The following PDE2A variants were observed in gnomAD, a reference collection of about 807,000 sequenced individuals.
PDE2A encodes phosphodiesterase 2A.
A neutral mutation model predicts 133.6 loss-of-function variants in PDE2A; 53 were observed. The observed-to-expected ratio is 0.40, with a 90% CI of 0.32 to 0.50. The LOEUF (loss-of-function observed/expected upper bound fraction) is 0.50. Ranked by LOEUF, PDE2A falls within the 20% of genes least tolerant of loss-of-function variation. The probability of loss-of-function intolerance (pLI) is 0.73; values close to 1 mark genes in which losing one functional copy is unlikely to be tolerated. For synonymous variants in PDE2A, 491 were observed against 490.2 expected (o/e 1.00, Z -0.02); for missense variants, 796 against 1,232.4 (o/e 0.65, Z 5.30).
Position 72,597,032 on chromosome 11 carries a change from A to G in PDE2A, c.434-384T>C, listed in dbSNP as rs1376280702. 6.6e-6 allele frequency among the ~76,000 whole-genome samples: 1 copy of G among 152,144 alleles called. No individual in the cohort carries two copies. The highest frequency in any genetic ancestry group is 1.9e-4 in the East Asian group (1 of 5,186). ...ACTCCCAGTCTTGTGCACTTTCCAC[A>G]TCGAGACAGAGGACAGAGACCTAGA... On this transcript the variant is annotated intron_variant, in intron 5 of 30. Coordinates refer to ENST00000334456, the MANE Select transcript of PDE2A (RefSeq NM_002599.5). This position sits in a 1 kb window ranked among gnomAD's most constrained non-coding sequence, Gnocchi z 4.6.
chr11:72,632,810 T>TC (rs1053490494), intron 2 of PDE2A, among the ~76,000 whole-genome samples: 2 of 73,266 alleles, frequency 2.7e-5, no homozygotes, highest in Non-Finnish European at 5.9e-5. Flanking sequence ...ACAGGTTCCC[T>TC]CCCCCCAGCA....
intron 13 of PDE2A, among the ~76,000 whole-genome samples, chr11:72,586,992 C>T (rs1415145673): frequency 2.0e-5 from 3 of 152,224 alleles, no homozygotes; most frequent in Non-Finnish European, 4.4e-5. Context: ...TAGCCCCACC[C>T]ACCTGTCACC....
chr11:72,590,073 G>T lies in PDE2A; in HGVS notation c.757-92C>A. ...CCCCTCTCCGGGGCTCTTCAGGCGGGTGGAGGAGAGAGGAAGGAAGGACAT... is the reference window on the plus strand; with the variant it reads ...CCCCTCTCCGGGGCTCTTCAGGCGGTTGGAGGAGAGAGGAAGGAAGGACAT... On this transcript the variant is annotated intron_variant, in intron 9 of 30. Coordinates refer to ENST00000334456, the MANE Select transcript of PDE2A (RefSeq NM_002599.5). This position sits in a 1 kb window ranked among gnomAD's most constrained non-coding sequence, Gnocchi z 4.8. 1 of 1,411,090 alleles carries T rather than the reference G, an allele frequency of 7.1e-7. No individual in the cohort carries two copies. Among genetic ancestry groups the T allele is most frequent in the Non-Finnish European group, 9.8e-7 (1 of 1,024,604 alleles). The allele number at this position is 1,411,090 out of a possible 1,614,324, so 87.4% of individuals were successfully genotyped here.
At chr11:72,626,019 C>A (rs1486805064) in intron 2 of PDE2A, among the ~76,000 whole-genome samples, 1 of 152,256 alleles carries the variant, frequency 6.6e-6, no homozygotes, top group Admixed American at 6.5e-5. Flanking sequence ...CTGCCTTGGA[C>A]CTGCCTGCGC....
chr11:72,652,448 T>C (rs1854766175), intron 1 of PDE2A: 4 of 452,440 alleles, frequency 8.8e-6, no homozygotes, highest in Non-Finnish European at 1.8e-5. Flanking sequence ...TTTCCAGATA[T>C]GGCCCCTGGT....
intron 1 of PDE2A, among the ~76,000 whole-genome samples, chr11:72,670,913 G>A (rs1361344493): frequency 6.8e-6 from 1 of 146,704 alleles, no homozygotes; most frequent in African/African-American, 2.4e-5. Flanking sequence ...AGGCTGGATA[G>A]ATCTGCAGGG....
chr11:72,636,847 T>A (rs1330006619), intron 2 of PDE2A, among the ~76,000 whole-genome samples: 5 of 152,178 alleles, frequency 3.3e-5, no homozygotes, highest in Non-Finnish European at 7.4e-5. Context: ...AACATGCAGA[T>A]CTGATCTGTC....
rs966405375 is a variant in PDE2A at position 72,661,789 on chromosome 11, C to A, written c.71+12348G>T. On this transcript the variant is annotated intron_variant, in intron 1 of 30. Transcript: ENST00000334456. ...TACTTCAAGTGCAAGTGCTTCCCTGCGATGCGCCACACATGTGCTGAATCG... is the reference window on the plus strand; with the variant it reads ...TACTTCAAGTGCAAGTGCTTCCCTGAGATGCGCCACACATGTGCTGAATCG... 1.1e-4 allele frequency among the ~76,000 whole-genome samples: 17 copies of A among 152,298 alleles called. No homozygotes were observed. The Middle Eastern group carries it at 0.01, about 91-fold the overall frequency.
At chr11:72,609,148 T>C (rs1857097350) in intron 2 of PDE2A, among the ~76,000 whole-genome samples, 1 of 152,266 alleles carries the variant, frequency 6.6e-6, no homozygotes. Flanking sequence ...CTAGCTCCGC[T>C]GTGTATGAGC....
intron 4 of PDE2A, among the ~76,000 whole-genome samples, chr11:72,601,741 G>C (rs1856760357): frequency 6.6e-6 from 1 of 152,160 alleles, no homozygotes; most frequent in Non-Finnish European, 1.5e-5. Context: ...ACCAACAAGA[G>C]GGAAGTGAAG....
At chr11:72,586,882 TC>T (rs985477981) in intron 13 of PDE2A, among the ~76,000 whole-genome samples, 6 of 152,040 alleles carry the variant, frequency 3.9e-5, no homozygotes, top group Non-Finnish European at 1.5e-5. Flanking sequence ...TGGTGGGGCA[TC>T]CCCCATTCAT....
At chr11:72,579,421 A>G (rs1478531427) in intron 26 of PDE2A, 38 bp from the exon 27 acceptor site, 3 of 1,582,796 alleles carry the variant, frequency 1.9e-6, no homozygotes, top group Non-Finnish European at 2.6e-6. Context: ...CTCCTACTGG[A>G]CACCCCCACC....
At chr11:72,602,528 C>T (rs578217040) in intron 4 of PDE2A, among the ~76,000 whole-genome samples, 2 of 152,318 alleles carry the variant, frequency 1.3e-5, no homozygotes, top group South Asian at 4.1e-4. Flanking sequence ...GTCAGTCCCT[C>T]TCCCTCCTGG....
At chr11:72,594,453 G>A (rs769641831) in intron 6 of PDE2A, among the ~76,000 whole-genome samples, 12 of 152,106 alleles carry the variant, frequency 7.9e-5, no homozygotes, top group Non-Finnish European at 1.6e-4. Flanking sequence ...CTTGGGGAGG[G>A]GGCATCCTAG....
rs1827684109 is a variant in PDE2A, at chr11:72,582,502, G to A, written c.1793C>T (p.Ser598Phe). The change falls in exon 21 of 31, where the codon TCC becomes TTC. Residue 598 changes from serine to phenylalanine, a missense_variant. Physicochemically the swap from Ser to Phe is radical, Grantham distance 155. Around this residue, in one of 7 missense-constraint regions of PDE2A, gnomAD observed 218 missense variants for 465.9 expected, o/e 0.47. Coordinates refer to ENST00000334456, the MANE Select transcript of PDE2A (RefSeq NM_002599.5). ...DGIQPVAAID[S>F]NFASFTYTPR... The stretch of plus-strand genomic sequence containing the variant: ...GGTATAGGTGAAACTTGCAAAATTG[G>A]AGTCAATGGCAGCCACAGGCTGGAT... 2 of 1,613,692 alleles carry A rather than the reference G, an allele frequency of 1.2e-6. No individual in the cohort carries two copies. The highest frequency in any genetic ancestry group is 2.7e-5 in the African/African-American group (2 of 74,924).
At chr11:72,586,772 T>G (rs1855994806) in intron 13 of PDE2A, among the ~76,000 whole-genome samples, 1 of 152,180 alleles carries the variant, frequency 6.6e-6, no homozygotes, top group African/African-American at 2.4e-5. Flanking sequence ...ACCAATGGTG[T>G]GGGTCATGGG....
At position 72,668,267 on chromosome 11, in the gene PDE2A, T is replaced by G. The variant is rs974333358; in HGVS notation, c.71+5870A>C. The G allele has an allele frequency of 7.0e-6, 5 of 717,998 alleles. No homozygotes were observed. The African/African-American group carries it at 8.7e-5, about 13-fold the overall frequency. The allele number at this position is 717,998 out of a possible 1,614,324, so 44.5% of individuals were successfully genotyped here. A position where few individuals can be genotyped will look rare whatever the true frequency, so the allele number is the denominator to read the frequency against. ...GGAGCTCTGGAAGCAGACAGATTTG[T>G]GCCCCAGGTCTGGCTCCACTGGCTG... On this transcript the variant is annotated intron_variant, in intron 1 of 30. Transcript: ENST00000334456.
intron 16 of PDE2A, 140 bp from the exon 17 acceptor site, chr11:72,585,084 G>C (rs946219817): frequency 1.2e-6 from 1 of 801,490 alleles, no homozygotes; most frequent in African/African-American, 1.7e-5. Flanking sequence ...GGGCTGGCTG[G>C]CTCCAGAAAC....
At chr11:72,610,924 G>A (rs1857185965) in intron 2 of PDE2A, among the ~76,000 whole-genome samples, 1 of 152,204 alleles carries the variant, frequency 6.6e-6, no homozygotes, top group Non-Finnish European at 1.5e-5. Context: ...GGCTATTATG[G>A]CCTTCCAAGG....
Sources: allele counts gnomAD v4.1 joint callset (sites outside exome capture counted in the v4.1 genomes callset), GRCh38; gene constraint gnomAD v4.1.1; regional missense constraint gnomAD v4.1.1; non-coding constraint Gnocchi (gnomAD v3.1); transcripts MANE v1.5; gene names NCBI Gene and HGNC (gene_info 2026-07-23, HGNC 2026-07-21).